CPSF1: variants seen among roughly 807,000 people sequenced by gnomAD.
CPSF1 encodes cleavage and polyadenylation specificity factor subunit 1.
A neutral mutation model predicts 175.8 loss-of-function variants in CPSF1; 106 were observed. The ratio of observed to expected loss-of-function variants is 0.60; its 90% CI spans 0.52 to 0.71. CPSF1 has a LOEUF of 0.71. Ranked by LOEUF, CPSF1 falls within the 30% of genes least tolerant of loss-of-function variation. CPSF1 has a pLI of 0.00. For synonymous variants in CPSF1, 1,024 were observed against 858.3 expected (o/e 1.19, Z -3.37); for missense variants, 1,734 against 2,022.9 (o/e 0.86, Z 2.74).
rs2116872227 is a variant in CPSF1, at chr8:144,400,143, C to T, written c.937+23G>A. The T allele has an allele frequency of 3.7e-5, 45 of 1,222,606 alleles. 5 individuals carry two copies. In the African/African-American group the frequency reaches 7.2e-4, roughly 20 times the overall value. 75.7% of individuals were successfully genotyped at this position (1,222,606 alleles called of 1,614,324 possible). A position where few individuals can be genotyped will look rare whatever the true frequency, so the allele number is the denominator to read the frequency against. ...GCCCAAGCCGTCCCCGGGCCCCCCC[C>T]GCCCCAGCCACCCCACACTCACGAA... is the stretch of plus-strand genomic sequence containing the variant. On this transcript the variant is annotated intron_variant, in intron 9 of 37. Coordinates refer to ENST00000616140, the MANE Select transcript of CPSF1 (RefSeq NM_013291.3).
At chr8:144,400,135 G>GGGGGGCCCCCCCCCCCCCCCCCCC in intron 9 of CPSF1, 31 bp downstream of exon 9, 12 of 895,974 alleles carry the variant, frequency 1.3e-5, no homozygotes, top group Non-Finnish European at 1.8e-5. Context: ...CCGTCCCCGG[G>GGGGGGCCCCCCCCCCCCCCCCCCC]CCCCCCCCGC....
chr8:144,393,631 G>A (rs1342135413), intron 36 of CPSF1, 36 bp downstream of exon 36: 4 of 1,587,772 alleles, frequency 2.5e-6, no homozygotes, highest in African/African-American at 1.3e-5. Flanking sequence ...GGCTGGGGTG[G>A]AGGGGGTGCT....
chr8:144,399,887 C>A lies in CPSF1; in HGVS notation c.1032-19G>T. 1 of 1,550,412 alleles carries A rather than the reference C, an allele frequency of 6.4e-7. No individual in the cohort carries two copies. Among genetic ancestry groups the A allele is most frequent in the East Asian group, 2.4e-5 (1 of 41,236 alleles). On this transcript the variant is annotated intron_variant, in intron 10 of 37. Transcript: ENST00000616140. This position sits in a 1 kb window ranked among gnomAD's most constrained non-coding sequence, Gnocchi z 6.4. The stretch of plus-strand genomic sequence containing the variant: ...CACGTAGCTGGGGGCAGGGAGAATT[C>A]TGAGTCGGGGATGGGGACCCTGGGG...
chr8:144,405,262 G>A (rs1453694543), intron 2 of CPSF1, among the ~76,000 whole-genome samples: 4 of 152,222 alleles, frequency 2.6e-5, no homozygotes, highest in African/African-American at 7.2e-5. Context: ...CCTGAAAGCT[G>A]ATGGGGCTGC....
Position 144,398,974 on chromosome 8 carries a change from G to GC in CPSF1, c.1531dup (p.Ala511GlyfsTer18). ...CCCACACACCTGCAGCACCGACAAA[G>GC]CCCCGTTCTTCCCGTGGCCGGAGCA... On this transcript the variant is annotated frameshift_variant, in exon 16 of 38. Coordinates refer to ENST00000616140, the MANE Select transcript of CPSF1 (RefSeq NM_013291.3). LOFTEE classifies it high-confidence loss of function. 6.2e-7 allele frequency: 1 copy of GC among 1,612,838 alleles called. No individual in the cohort carries two copies. Among genetic ancestry groups the GC allele is most frequent in the South Asian group, 1.1e-5 (1 of 91,080 alleles).
In CPSF1 at chr8:144,399,352, T is replaced by C. The variant is rs2116861612; in HGVS notation, c.1316A>G (p.Gln439Arg). Residue 439 changes from glutamine (Q) to arginine (R), a missense_variant, in exon 14 of 38, where the codon CAG becomes CGG. By Grantham distance (43) the Gln-to-Arg change is conservative (BLOSUM62 1). Transcript: ENST00000616140. The surrounding 1 kb of genome is among the most constrained non-coding windows in gnomAD (Gnocchi z 6.4). ...GWSAAGKSVP[Q>R]DEVDEIEVYG... is the part of the protein sequence containing the mutation. ...CACTTCAATCTCGTCCACCTCATCC[T>C]GCGGCACCGACTTACCCGCAGCTGC... 1 of 1,612,760 alleles carries C rather than the reference T, an allele frequency of 6.2e-7. No homozygotes were observed. The highest frequency in any genetic ancestry group is 2.2e-5 in the East Asian group (1 of 44,882).
At position 144,393,650 on chromosome 8, in the gene CPSF1, GCGGGGC is replaced by G. The variant is rs1820490476; in HGVS notation, c.4145+11_4145+16del. 1 of 1,568,656 alleles carries G rather than the reference GCGGGGC, an allele frequency of 6.4e-7. No homozygotes were observed. Among genetic ancestry groups the G allele is most frequent in the Non-Finnish European group, 8.6e-7 (1 of 1,163,958 alleles). On this transcript the variant is annotated intron_variant, in intron 36 of 37. Coordinates refer to ENST00000616140, the MANE Select transcript of CPSF1 (RefSeq NM_013291.3). ...GGGGTGGAGGGGGTGCTGCACGGGG[GCGGGGC>G]CGGGGCTCACCGGAAGGCGCGGGGG...
chr8:144,396,412 A>G lies in CPSF1; in HGVS notation c.2915T>C (p.Val972Ala). ...RLHPMAIDGP[V>A]DSFAPFHNVN... ...ATTGTGGAATGGAGCGAAAGAGTCG[A>G]CCGGGCCGTCGATGGCCATGGGGTG... is the stretch of plus-strand genomic sequence containing the variant. Residue 972 changes from valine (V) to alanine (A), a missense_variant, in exon 26 of 38, where the codon GTC (valine) becomes GCC (alanine). Physicochemically the swap from Val to Ala is moderately conservative, Grantham distance 64. Transcript: ENST00000616140. 1 of 1,591,432 alleles carries G rather than the reference A, an allele frequency of 6.3e-7. No homozygotes were observed. Among genetic ancestry groups the G allele is most frequent in the Non-Finnish European group, 8.5e-7 (1 of 1,171,326 alleles).
chr8:144,408,485 T>C (rs1821618579), intron 2 of CPSF1, among the ~76,000 whole-genome samples: 1 of 152,222 alleles, frequency 6.6e-6, no homozygotes, highest in Non-Finnish European at 1.5e-5. Context: ...GTCAACAGTC[T>C]GTCCCCATCC....
rs1179576744 is a variant in CPSF1, at chr8:144,399,821, A to G, written c.1079T>C (p.Phe360Ser). The change falls in exon 11 of 38, where the codon TTC (phenylalanine) becomes TCC (serine). Residue 360 changes from phenylalanine (F) to serine (S), a missense_variant. Phe to Ser is a radical substitution (Grantham distance 155). Around this residue, in one of 10 missense-constraint regions of CPSF1, gnomAD observed 162 missense variants for 169.5 expected, o/e 0.96. Coordinates refer to ENST00000616140, the MANE Select transcript of CPSF1 (RefSeq NM_013291.3). This position sits in a 1 kb window ranked among gnomAD's most constrained non-coding sequence, Gnocchi z 6.4. ...ITDGMRSVRA[F>S]HFDKAAASVL... ...GCTGGCGGCCGCCTTGTCAAAGTGG[A>G]ACGCTCGGACACTGCGCATGCCGTC... 6.4e-7 allele frequency: 1 copy of G among 1,557,836 alleles called. No homozygotes were observed. Among genetic ancestry groups the G allele is most frequent in the Admixed American group, 1.9e-5 (1 of 51,576 alleles).
chr8:144,406,864 C>G (rs1260471762), intron 2 of CPSF1, among the ~76,000 whole-genome samples: 1 of 152,222 alleles, frequency 6.6e-6, no homozygotes, highest in Non-Finnish European at 1.5e-5. Context: ...CCGCAACCCC[C>G]ACCAGGGTTG....
In CPSF1 at chr8:144,393,552, A is replaced by G. The variant is rs1820472067; in HGVS notation, c.4184T>C (p.Val1395Ala). The change falls in exon 37 of 38, where the codon GTG becomes GCG. Residue 1395 changes from valine (V) to alanine (A), a missense_variant. Around this residue, in one of 10 missense-constraint regions of CPSF1, gnomAD observed 323 missense variants for 338.5 expected, o/e 0.95. Transcript: ENST00000616140. Reference sequence around the variant, plus strand: ...CAGCTCCCCATCCAGCACGTTGCGCACGGCATTCTGGAGGGTGCGGCGGTC... The same window carrying G: ...CAGCTCCCCATCCAGCACGTTGCGCGCGGCATTCTGGAGGGTGCGGCGGTC... ...HVDRRTLQNAVRNVLDGELLN... is the reference protein window; with the variant it reads ...HVDRRTLQNAARNVLDGELLN... 6.2e-7 allele frequency: 1 copy of G among 1,604,558 alleles called. No homozygotes were observed. The highest frequency in any genetic ancestry group is 8.5e-7 in the Non-Finnish European group (1 of 1,177,346).
chr8:144,400,146 C>CCCA lies in CPSF1; in HGVS notation c.937+17_937+19dup, dbSNP rs1554866090. 4 of 1,387,192 alleles carry CCCA rather than the reference C, an allele frequency of 2.9e-6. No individual in the cohort carries two copies. Among genetic ancestry groups the CCCA allele is most frequent in the Non-Finnish European group, 3.9e-6 (4 of 1,021,318 alleles). The allele number at this position is 1,387,192 out of a possible 1,614,324, so 85.9% of individuals were successfully genotyped here. A position where few individuals can be genotyped will look rare whatever the true frequency, so the allele number is the denominator to read the frequency against. Reference sequence around the variant, plus strand: ...CAAGCCGTCCCCGGGCCCCCCCCGCCCCAGCCACCCCACACTCACGAAGCG... The same window carrying CCCA: ...CAAGCCGTCCCCGGGCCCCCCCCGCCCCACCAGCCACCCCACACTCACGAAGCG... On this transcript the variant is annotated intron_variant, in intron 9 of 37. Transcript: ENST00000616140.
At position 144,399,802 on chromosome 8, in the gene CPSF1, G is replaced by A. The variant is rs2116866400; in HGVS notation, c.1098C>T (p.Ala366=). ...SVRAFHFDKA[A]ASVLTTSMVT... is the part of the protein sequence containing the mutation. ...TCACGCTGGTGGTGAGGACGCTGGC[G>A]GCCGCCTTGTCAAAGTGGAACGCTC... The change falls in exon 11 of 38, where the codon GCC becomes GCT. Residue 366 remains alanine, a synonymous_variant. Coordinates refer to ENST00000616140, the MANE Select transcript of CPSF1 (RefSeq NM_013291.3). The surrounding 1 kb of genome is among the most constrained non-coding windows in gnomAD (Gnocchi z 6.4). 1.2e-5 allele frequency: 19 copies of A among 1,563,648 alleles called. No individual in the cohort carries two copies. Among genetic ancestry groups the A allele is most frequent in the Middle Eastern group, 1.7e-4 (1 of 6,008 alleles).
chr8:144,405,214 A>T (rs1264495973), intron 2 of CPSF1, among the ~76,000 whole-genome samples: 1 of 152,260 alleles, frequency 6.6e-6, no homozygotes, highest in Non-Finnish European at 1.5e-5. Context: ...GCATCAAAGC[A>T]TCAGCATCCA....
chr8:144,399,281 A>C lies in CPSF1; in HGVS notation c.1387T>G (p.Phe463Val), dbSNP rs1554865467. Residue 463 changes from phenylalanine (F) to valine (V), a missense_variant, in exon 14 of 38, where the codon TTT (phenylalanine) becomes GTT (valine). Transcript: ENST00000616140. The surrounding 1 kb of genome is among the most constrained non-coding windows in gnomAD (Gnocchi z 6.4). Reference sequence around the variant, plus strand: ...CCCTGCTGCCTCAATCTCACCTCAAAGGAGTAGGTGGCCAGCTGTGTTCCC... The same window carrying C: ...CCCTGCTGCCTCAATCTCACCTCAACGGAGTAGGTGGCCAGCTGTGTTCCC... ...QSGTQLATYS[F>V]EVCDSILNIG... 6.2e-7 allele frequency: 1 copy of C among 1,612,260 alleles called. No individual in the cohort carries two copies. The highest frequency in any genetic ancestry group is 8.5e-7 in the Non-Finnish European group (1 of 1,179,930).
At chr8:144,404,588 T>C (rs1228654771) in intron 2 of CPSF1, among the ~76,000 whole-genome samples, 4 of 151,448 alleles carry the variant, frequency 2.6e-5, no homozygotes, top group South Asian at 2.1e-4. Flanking sequence ...CAGGCTGGTC[T>C]TGAACTCCTG....
chr8:144,406,034 A>G (rs1199127038), intron 2 of CPSF1, among the ~76,000 whole-genome samples: 1 of 152,160 alleles, frequency 6.6e-6, no homozygotes. Context: ...GATTATGATA[A>G]AAGACCTCGT....
At chr8:144,397,932 C>T (rs781944477) in intron 20 of CPSF1, 22 bp downstream of exon 20, 150 of 1,598,986 alleles carry the variant, frequency 9.4e-5, no homozygotes, top group Non-Finnish European at 1.2e-4. Flanking sequence ...GACAGGAGGG[C>T]GCCGGGAATG....
Sources: gnomAD v4.1 joint callset for allele counts (sites outside exome capture counted in the v4.1 genomes callset) on GRCh38, gnomAD v4.1.1 for gene constraint, gnomAD v4.1.1 regional missense constraint, Gnocchi (gnomAD v3.1) non-coding constraint, MANE v1.5 for transcripts, NCBI Gene and HGNC (gene_info 2026-07-23, HGNC 2026-07-21) for gene names.